SLC4A10: variants seen among roughly 807,000 people sequenced by gnomAD.
The protein encoded by SLC4A10 is solute carrier family 4 member 10.
Under a neutral mutation model 137.7 loss-of-function variants are expected in SLC4A10, and 42 were observed. That is an observed-to-expected ratio of 0.30 (90% confidence interval 0.24 to 0.39). The LOEUF (loss-of-function observed/expected upper bound fraction) is 0.39, where lower values mean the gene tolerates loss of function less well. SLC4A10 is among the 10% of genes least tolerant of loss of function. SLC4A10 has a pLI of 1.00. For synonymous variants in SLC4A10, 474 were observed against 464.1 expected (o/e 1.02, Z -0.27); for missense variants, 925 against 1,355.0 (o/e 0.68, Z 4.98).
chr2:161,940,956 C>T (rs1692577411), intron 15 of SLC4A10, among the ~76,000 whole-genome samples: 1 of 152,034 alleles, frequency 6.6e-6, no homozygotes. Context: ...AAACAAAAAA[C>T]AAAAGGCTAC....
At chr2:161,666,344 G>A (rs1361882744) in intron 1 of SLC4A10, among the ~76,000 whole-genome samples, 1 of 151,306 alleles carries the variant, frequency 6.6e-6, no homozygotes, top group Non-Finnish European at 1.5e-5. Context: ...TTGTCACCTG[G>A]GGCAATTTTT....
chr2:161,902,267 A>G (rs190270789), intron 12 of SLC4A10: 1 of 226,452 alleles, frequency 4.4e-6, no homozygotes, highest in Admixed American at 5.6e-5. Context: ...CTAATAAGTA[A>G]TTGATTAGAA....
intron 1 of SLC4A10, among the ~76,000 whole-genome samples, chr2:161,744,653 A>C (rs1030338637): frequency 6.6e-6 from 1 of 152,116 alleles, no homozygotes; most frequent in Non-Finnish European, 1.5e-5. Context: ...CATTATTTTC[A>C]ATGGATGACA....
chr2:161,878,530 A>G (rs572664437), intron 8 of SLC4A10, among the ~76,000 whole-genome samples: 22 of 152,214 alleles, frequency 1.4e-4, no homozygotes, highest in African/African-American at 5.3e-4. Context: ...GTAACTCCAA[A>G]TGTTAATATT....
chr2:161,933,839 T>C (rs907991175), intron 15 of SLC4A10, among the ~76,000 whole-genome samples: 5 of 152,182 alleles, frequency 3.3e-5, no homozygotes, highest in Admixed American at 6.6e-5. Context: ...TTTGGGTACA[T>C]ATCCAGTAGT....
chr2:161,680,754 T>C (rs1285984793), intron 1 of SLC4A10, among the ~76,000 whole-genome samples: 1 of 152,146 alleles, frequency 6.6e-6, no homozygotes, highest in African/African-American at 2.4e-5. Context: ...TACAATGTAT[T>C]ATTTTTATAT....
intron 11 of SLC4A10, among the ~76,000 whole-genome samples, chr2:161,896,092 G>A (rs115071626): frequency 0.067 from 10,246 of 151,868 alleles, 439 homozygotes; most frequent in East Asian, 0.13. Context: ...ATTTTTGCCT[G>A]AGGTGTAAGG....
chr2:161,765,608 C>CAAAAA (rs370721653), intron 1 of SLC4A10, among the ~76,000 whole-genome samples: 2 of 93,160 alleles, frequency 2.1e-5, no homozygotes, highest in Admixed American at 1.2e-4. Flanking sequence ...GAGCAAGACT[C>CAAAAA]AAAAAAAAAA....
Position 161,820,278 on chromosome 2 carries a change from G to A in SLC4A10, c.277+15683G>A, listed in dbSNP as rs534282341. On this transcript the variant is annotated intron_variant, in intron 3 of 26. Transcript: ENST00000446997. The stretch of plus-strand genomic sequence containing the variant: ...TGTTCCTATTTTAATGACCAATTAG[G>A]TGCTATATGAGAATATCAAGGTGTT... 2.0e-5 allele frequency among the ~76,000 whole-genome samples: 3 copies of A among 152,236 alleles called. No individual in the cohort carries two copies. In the South Asian group the frequency reaches 6.2e-4, roughly 32 times the overall value.
chr2:161,790,328 T>G (rs2054065021), intron 2 of SLC4A10, among the ~76,000 whole-genome samples: 1 of 152,174 alleles, frequency 6.6e-6, no homozygotes, highest in Non-Finnish European at 1.5e-5. Context: ...TCTCTTACTT[T>G]AAATTATCTT....
At chr2:161,854,938 A>G (rs749315854) in intron 4 of SLC4A10, 32 bp from the exon 5 acceptor site, 1 of 1,587,490 alleles carries the variant, frequency 6.3e-7, no homozygotes, top group Non-Finnish European at 8.6e-7. Context: ...ACAATATAAT[A>G]TAAACTGTGC....
Position 161,804,560 on chromosome 2 carries a change from CA to C in SLC4A10, c.243del (p.Gly82AspfsTer2). 6.2e-7 allele frequency: 1 copy of C among 1,612,542 alleles called. No individual in the cohort carries two copies. The highest frequency in any genetic ancestry group is 8.5e-7 in the Non-Finnish European group (1 of 1,179,132). On this transcript the variant is annotated frameshift_variant, in exon 3 of 27. Coordinates refer to ENST00000446997, the MANE Select transcript of SLC4A10 (RefSeq NM_001178015.2). LOFTEE classifies it high-confidence loss of function. ...KHRKRDRERDSGLEDGRESPS... is the reference protein window; with the variant it reads ...KHRKRDRERDXGLEDGRESPS... ...AGAAAGAGAGACAGAGAAAGAGATT[CA>C]GGATTAGAGGATGGAAGGGAGTCAC...
At chr2:161,948,403 T>G (rs1410312739) in intron 17 of SLC4A10, among the ~76,000 whole-genome samples, 1 of 152,164 alleles carries the variant, frequency 6.6e-6, no homozygotes, top group Non-Finnish European at 1.5e-5. Context: ...CACCACTTTC[T>G]TCTCTAAGGT....
chr2:161,696,070 C>T (rs531885339), intron 1 of SLC4A10, among the ~76,000 whole-genome samples: 1 of 151,670 alleles, frequency 6.6e-6, no homozygotes, highest in East Asian at 2.0e-4. Flanking sequence ...CACTTCCCCC[C>T]ACCCCACGAC....
intron 4 of SLC4A10, among the ~76,000 whole-genome samples, chr2:161,851,373 G>C (rs1208314728): frequency 6.6e-6 from 1 of 152,098 alleles, no homozygotes; most frequent in Non-Finnish European, 1.5e-5. Flanking sequence ...CTAAGAACTT[G>C]TTTTATGAAT....
chr2:161,817,378 C>T (rs1575108853), intron 3 of SLC4A10, among the ~76,000 whole-genome samples: 1 of 151,972 alleles, frequency 6.6e-6, no homozygotes, highest in Non-Finnish European at 1.5e-5. Flanking sequence ...TTCTGGCTAT[C>T]AGCTCTTTGT....
intron 11 of SLC4A10, among the ~76,000 whole-genome samples, chr2:161,897,161 G>A (rs1292593324): frequency 6.6e-6 from 1 of 152,068 alleles, no homozygotes; most frequent in South Asian, 2.1e-4. Context: ...AACATCTAAT[G>A]TATATTTTAC....
At chr2:161,732,821 C>T (rs1177314392) in intron 1 of SLC4A10, among the ~76,000 whole-genome samples, 1 of 152,108 alleles carries the variant, frequency 6.6e-6, no homozygotes, top group Non-Finnish European at 1.5e-5. Flanking sequence ...GAGGTGGTCT[C>T]AGATGGAGAT....
chr2:161,980,004 A>G (rs1334221277), intron 26 of SLC4A10, among the ~76,000 whole-genome samples: 1 of 152,222 alleles, frequency 6.6e-6, no homozygotes, highest in Non-Finnish European at 1.5e-5. Flanking sequence ...GAGGATGTCT[A>G]ATTTTGATCC....
Sources: allele counts gnomAD v4.1 joint callset (sites outside exome capture counted in the v4.1 genomes callset), GRCh38; gene constraint gnomAD v4.1.1; transcripts MANE v1.5; gene names NCBI Gene and HGNC (gene_info 2026-07-23, HGNC 2026-07-21).